Variants in TAFA1 observed in about 807,000 individuals in gnomAD.
The protein encoded by TAFA1 is chemokine-like protein TAFA-1.
TAFA1 carries 4 observed loss-of-function variants against 18.5 expected under a neutral mutation model. That is an observed-to-expected ratio of 0.22 (90% CI 0.11 to 0.49). The LOEUF (loss-of-function observed/expected upper bound fraction) is 0.49. Among genes scored for constraint, TAFA1 ranks in the 20% least tolerant of loss-of-function variants. The probability of loss-of-function intolerance (pLI) is 0.98; values close to 1 mark genes in which losing one functional copy is unlikely to be tolerated. For synonymous variants in TAFA1, 56 were observed against 55.2 expected (o/e 1.01, Z -0.06); for missense variants, 147 against 169.0 (o/e 0.87, Z 0.72).
At chr3:68,256,466 C>A (rs926908547) in intron 2 of TAFA1, among the ~76,000 whole-genome samples, 1 of 152,034 alleles carries the variant, frequency 6.6e-6, no homozygotes, top group African/African-American at 2.4e-5. Context: ...AATAATAGTA[C>A]CTATCTCCAC....
At chr3:68,211,521 C>T (rs1473078616) in intron 2 of TAFA1, among the ~76,000 whole-genome samples, 5 of 152,008 alleles carry the variant, frequency 3.3e-5, no homozygotes, top group African/African-American at 4.8e-5. Flanking sequence ...TTGAGATAGA[C>T]AGAATGACAG....
intron 3 of TAFA1, among the ~76,000 whole-genome samples, chr3:68,469,465 G>T (rs1179329028): frequency 2.0e-5 from 3 of 152,140 alleles, no homozygotes; most frequent in Non-Finnish European, 4.4e-5. Context: ...ACGAAGTCAG[G>T]AGATCGAGAC....
At chr3:68,091,087 G>T (rs183655619) in intron 2 of TAFA1, among the ~76,000 whole-genome samples, 16 of 152,274 alleles carry the variant, frequency 1.1e-4, no homozygotes, top group Admixed American at 8.5e-4. Flanking sequence ...GTCTAATGTT[G>T]TTCTAATCAG....
At chr3:68,437,733 G>A (rs1165389506) in intron 3 of TAFA1, among the ~76,000 whole-genome samples, 1 of 152,052 alleles carries the variant, frequency 6.6e-6, no homozygotes, top group Non-Finnish European at 1.5e-5. Context: ...TGTCAATATT[G>A]CCACACTGGG....
At chr3:68,475,515 T>C (rs2072075184) in intron 3 of TAFA1, among the ~76,000 whole-genome samples, 2 of 152,346 alleles carry the variant, frequency 1.3e-5, no homozygotes, top group East Asian at 3.9e-4. Context: ...CTGCGTAGTA[T>C]TCCATGGTGT....
intron 2 of TAFA1, among the ~76,000 whole-genome samples, chr3:68,409,160 C>A (rs765788687): frequency 2.0e-5 from 3 of 152,112 alleles, no homozygotes; most frequent in Non-Finnish European, 2.9e-5. Flanking sequence ...CTTATATTCC[C>A]TGTCTTTTTA....
intron 2 of TAFA1, among the ~76,000 whole-genome samples, chr3:68,291,156 A>G (rs1031856986): frequency 3.3e-5 from 5 of 152,156 alleles, no homozygotes; most frequent in African/African-American, 1.2e-4. Context: ...TGACAGCAAC[A>G]TGGACTCAAT....
intron 3 of TAFA1, among the ~76,000 whole-genome samples, chr3:68,518,403 A>G (rs2072960944): frequency 6.6e-6 from 1 of 152,188 alleles, no homozygotes; most frequent in Non-Finnish European, 1.5e-5. Flanking sequence ...ATTGCAATTA[A>G]ATAGTGTCCT....
At chr3:68,150,589 C>T (rs1169722485) in intron 2 of TAFA1, among the ~76,000 whole-genome samples, 1 of 152,022 alleles carries the variant, frequency 6.6e-6, no homozygotes, top group Non-Finnish European at 1.5e-5. Context: ...TGCTGCTTCA[C>T]CAAGAGGAGT....
intron 4 of TAFA1, among the ~76,000 whole-genome samples, chr3:68,542,564 T>C (rs1052838067): frequency 2.0e-5 from 3 of 152,114 alleles, no homozygotes; most frequent in Admixed American, 2.0e-4. Flanking sequence ...CCCTCAGAGA[T>C]GTAAAACTGA....
rs114690440 is a variant in TAFA1, at chr3:68,138,685, A to G, written c.118+131941A>G. 5.6e-3 allele frequency among the ~76,000 whole-genome samples: 849 copies of G among 152,334 alleles called. 8 individuals are homozygous for G. The highest frequency in any genetic ancestry group is 9.1e-3 in the Non-Finnish European group (622 of 68,030). On this transcript the variant is annotated intron_variant, in intron 2 of 4. Transcript: ENST00000478136. ...TCTTGGCCTCTGTTTCCTCATGTAT[A>G]AGATGGAAACTCCGTCTACATGAGC...
At chr3:68,309,983 T>C (rs1474832905) in intron 2 of TAFA1, among the ~76,000 whole-genome samples, 1 of 152,208 alleles carries the variant, frequency 6.6e-6, no homozygotes, top group Non-Finnish European at 1.5e-5. Flanking sequence ...TTGCAAAAGG[T>C]AACCCTTTCT....
chr3:68,422,010 C>T (rs1408262109), intron 3 of TAFA1, among the ~76,000 whole-genome samples: 1 of 152,034 alleles, frequency 6.6e-6, no homozygotes, highest in East Asian at 1.9e-4. Flanking sequence ...GCACTAAAAT[C>T]ACCCATGATA....
At chr3:68,108,271 C>A (rs1319567015) in intron 2 of TAFA1, among the ~76,000 whole-genome samples, 4 of 151,920 alleles carry the variant, frequency 2.6e-5, no homozygotes, top group Admixed American at 2.0e-4. Context: ...CTTTTGAATG[C>A]AACAAACTAG....
At chr3:68,223,667 A>G (rs1014380827) in intron 2 of TAFA1, among the ~76,000 whole-genome samples, 1 of 152,118 alleles carries the variant, frequency 6.6e-6, no homozygotes, top group East Asian at 1.9e-4. Context: ...TAGCAACTCA[A>G]GGGATTATTC....
intron 2 of TAFA1, among the ~76,000 whole-genome samples, chr3:68,032,393 G>T (rs773538629): frequency 3.3e-5 from 5 of 152,010 alleles, no homozygotes; most frequent in Non-Finnish European, 7.4e-5. Flanking sequence ...TATAAATTCT[G>T]GGCATCCAGC....
intron 3 of TAFA1, among the ~76,000 whole-genome samples, chr3:68,527,652 A>G (rs1202282947): frequency 1.3e-5 from 2 of 152,034 alleles, no homozygotes; most frequent in African/African-American, 2.4e-5. Flanking sequence ...ACTTGTCAAT[A>G]TATATTGTCT....
At chr3:68,300,152 C>T (rs1382945245) in intron 2 of TAFA1, among the ~76,000 whole-genome samples, 1 of 152,206 alleles carries the variant, frequency 6.6e-6, no homozygotes, top group Non-Finnish European at 1.5e-5. Context: ...GTCATAGGTA[C>T]TCAATGCCAG....
intron 2 of TAFA1, among the ~76,000 whole-genome samples, chr3:68,313,692 T>G (rs775487858): frequency 1.3e-5 from 2 of 152,224 alleles, no homozygotes; most frequent in Non-Finnish European, 2.9e-5. Flanking sequence ...GCACCTCTCC[T>G]GAAAAGAGTA....
Sources: allele counts gnomAD v4.1 joint callset (sites outside exome capture counted in the v4.1 genomes callset), GRCh38; gene constraint gnomAD v4.1.1; transcripts MANE v1.5; gene names NCBI Gene and HGNC (gene_info 2026-07-23, HGNC 2026-07-21).